The following FRMPD3 variants were observed in gnomAD, a reference collection of about 807,000 sequenced individuals.
The protein encoded by FRMPD3 is FERM and PDZ domain-containing protein 3.
Under a neutral mutation model 97.9 loss-of-function variants are expected in FRMPD3, and 42 were observed. The ratio of observed to expected loss-of-function variants is 0.43; its 90% CI spans 0.34 to 0.55. The LOEUF (loss-of-function observed/expected upper bound fraction) is 0.55. Ranked by LOEUF, FRMPD3 falls within the 20% of genes least tolerant of loss-of-function variation. The probability of loss-of-function intolerance (pLI) is 0.03; values close to 1 mark genes in which losing one functional copy is unlikely to be tolerated. For synonymous variants in FRMPD3, 577 were observed against 581.1 expected (o/e 0.99, Z 0.10); for missense variants, 1,303 against 1,457.7 (o/e 0.89, Z 1.73).
At chrX:107,462,091 C>A (rs1419686700) in intron 1 of FRMPD3, among the ~76,000 whole-genome samples, 3 of 110,897 alleles carry the variant, frequency 2.7e-5, no homozygotes, top group Non-Finnish European at 1.9e-5. Flanking sequence ...TGGCTGCCCC[C>A]GTTTTTAAAA....
chrX:107,474,418 A>G (rs1186687686), intron 1 of FRMPD3, among the ~76,000 whole-genome samples: 1 of 111,525 alleles, frequency 9.0e-6, no homozygotes, highest in Non-Finnish European at 1.9e-5. Context: ...AAGAAAAAGC[A>G]CAGGGATCAA....
intron 12 of FRMPD3, among the ~76,000 whole-genome samples, chrX:107,568,217 A>ATTTAT (rs1288696743): frequency 1.8e-5 from 2 of 110,215 alleles, no homozygotes; most frequent in South Asian, 4.0e-4. Context: ...TAAACACAGA[A>ATTTAT]TTTATTTTAT....
intron 4 of FRMPD3, among the ~76,000 whole-genome samples, chrX:107,540,582 G>T (rs768416340): frequency 4.9e-4 from 55 of 112,077 alleles, no homozygotes; most frequent in African/African-American, 1.7e-3. Context: ...CTTCATATTT[G>T]CTTCAAGCAG....
At chrX:107,596,199 A>G (rs980181689) in intron 13 of FRMPD3, among the ~76,000 whole-genome samples, 5 of 111,729 alleles carry the variant, frequency 4.5e-5, no homozygotes, top group African/African-American at 1.6e-4. Flanking sequence ...CTTGACCACC[A>G]TGATGAGTTA....
intron 3 of FRMPD3, 79 bp downstream of exon 3, chrX:107,530,590 C>T: frequency 2.8e-6 from 2 of 704,033 alleles, no homozygotes; most frequent in Non-Finnish European, 2.2e-6. Flanking sequence ...CCACTATCCC[C>T]CCCTCGCTCT....
At chrX:107,534,869 T>C (rs779731749) in intron 4 of FRMPD3, among the ~76,000 whole-genome samples, 1 of 112,525 alleles carries the variant, frequency 8.9e-6, no homozygotes, top group African/African-American at 3.2e-5. Flanking sequence ...CTCTCACATA[T>C]GTACACACAA....
Position 107,602,167 on chromosome X carries a change from T to G in FRMPD3, c.4128T>G (p.Cys1376Trp), listed in dbSNP as rs1422758566. Reference protein sequence around the residue: ...PESGVSCLTTCASGGECLGAP... With the variant: ...PESGVSCLTTWASGGECLGAP... ...GTGGTGTTTCGTGCCTGACCACGTG[T>G]GCCTCGGGGGGCGAGTGTCTGGGAG... is the stretch of plus-strand genomic sequence containing the variant. Residue 1376 changes from cysteine to tryptophan, a missense_variant, in exon 15 of 15, where the codon TGT becomes TGG. By Grantham distance (215) the Cys-to-Trp change is radical. Around this residue, in one of 3 missense-constraint regions of FRMPD3, gnomAD observed 764 missense variants for 820.2 expected, o/e 0.93. Transcript: ENST00000683843. 2 of 1,211,020 alleles carry G rather than the reference T, an allele frequency of 1.7e-6. No homozygotes were observed. Among genetic ancestry groups the G allele is most frequent in the South Asian group, 3.5e-5 (2 of 56,967 alleles).
At chrX:107,546,392 T>C (rs908531945) in intron 5 of FRMPD3, among the ~76,000 whole-genome samples, 1 of 112,164 alleles carries the variant, frequency 8.9e-6, no homozygotes, top group Non-Finnish European at 1.9e-5. Flanking sequence ...ACCTGTTCCC[T>C]GCTACCAGAT....
Position 107,597,378 on chromosome X carries a change from G to A in FRMPD3, c.1499G>A (p.Ser500Asn), listed in dbSNP as rs371411843. Residue 500 changes from serine to asparagine, a missense_variant, in exon 14 of 15, where the codon AGT becomes AAT. This residue lies in a region of FRMPD3 where 535 missense variants were observed against 618.6 expected (regional missense o/e 0.86). Coordinates refer to ENST00000683843, the MANE Select transcript of FRMPD3 (RefSeq NM_001388459.1). Reference sequence around the variant, plus strand: ...GGGGGCCACCTGGGGAAAAAGGAGAGTAGTTATGTGGGCAGCGTGGGCACC... The same window carrying A: ...GGGGGCCACCTGGGGAAAAAGGAGAATAGTTATGTGGGCAGCGTGGGCACC... ...VTGGHLGKKE[S>N]SYVGSVGTSP... 392 of 1,208,727 alleles carry A rather than the reference G, an allele frequency of 3.2e-4. No individual in the cohort carries two copies. The highest frequency in any genetic ancestry group is 3.1e-3 in the Middle Eastern group (13 of 4,252).
chrX:107,601,452 G>T lies in FRMPD3; in HGVS notation c.3413G>T (p.Cys1138Phe). 2 of 1,174,038 alleles carry T rather than the reference G, an allele frequency of 1.7e-6. No individual in the cohort carries two copies. Among genetic ancestry groups the T allele is most frequent in the African/African-American group, 1.8e-5 (1 of 56,544 alleles). ...CCCATGGCTCTGCAGAGCCCCAGCTGCCAGTCAAGAAGCCACAGCCCCAGC... is the reference window on the plus strand; with the variant it reads ...CCCATGGCTCTGCAGAGCCCCAGCTTCCAGTCAAGAAGCCACAGCCCCAGC... ...TYPMALQSPS[C>F]QSRSHSPSCQ... The change falls in exon 15 of 15, where the codon TGC (cysteine) becomes TTC (phenylalanine). Residue 1138 changes from cysteine to phenylalanine, a missense_variant. Cys to Phe is a radical substitution (Grantham distance 205). This residue lies in a region of FRMPD3 where 764 missense variants were observed against 820.2 expected (regional missense o/e 0.93). Coordinates refer to ENST00000683843, the MANE Select transcript of FRMPD3 (RefSeq NM_001388459.1).
intron 1 of FRMPD3, among the ~76,000 whole-genome samples, chrX:107,487,215 C>T (rs1230133900): frequency 9.0e-6 from 1 of 111,171 alleles, no homozygotes; most frequent in Non-Finnish European, 1.9e-5. Flanking sequence ...GATCGCACCG[C>T]TGCACTCCAG....
chrX:107,480,370 A>C (rs1159284392), intron 1 of FRMPD3, among the ~76,000 whole-genome samples: 1 of 111,782 alleles, frequency 8.9e-6, no homozygotes, highest in East Asian at 2.8e-4. Flanking sequence ...GGGATGAGTG[A>C]AAGTTGTTAC....
chrX:107,595,044 C>T (rs975946895), intron 13 of FRMPD3, among the ~76,000 whole-genome samples: 4 of 110,671 alleles, frequency 3.6e-5, no homozygotes, highest in Non-Finnish European at 3.8e-5. Context: ...TGGCTGGGCA[C>T]GGTTGCTCAT....
intron 13 of FRMPD3, among the ~76,000 whole-genome samples, chrX:107,580,610 C>T (rs1416429119): frequency 1.8e-5 from 2 of 111,529 alleles, no homozygotes; most frequent in Non-Finnish European, 3.8e-5. Context: ...ATCCTGATTG[C>T]TCAGCTGTCT....
At chrX:107,493,417 G>A (rs746399058) in intron 1 of FRMPD3, among the ~76,000 whole-genome samples, 2 of 111,240 alleles carry the variant, frequency 1.8e-5, no homozygotes, top group South Asian at 7.7e-4. Flanking sequence ...TAACCTGTTT[G>A]TTTCTTAAAC....
chrX:107,466,054 G>A (rs1308492566), intron 1 of FRMPD3, among the ~76,000 whole-genome samples: 7 of 112,100 alleles, frequency 6.2e-5, no homozygotes, highest in Non-Finnish European at 9.4e-5. Context: ...ACTATAGGTC[G>A]CCATCTCCTT....
At chrX:107,501,844 C>G (rs1248341198) in intron 1 of FRMPD3, among the ~76,000 whole-genome samples, 1 of 109,144 alleles carries the variant, frequency 9.2e-6, no homozygotes. Flanking sequence ...TGCAAAAAAG[C>G]CTTCTCACCT....
At chrX:107,547,615 C>T (rs1410168932) in intron 5 of FRMPD3, among the ~76,000 whole-genome samples, 1 of 111,468 alleles carries the variant, frequency 9.0e-6, no homozygotes, top group African/African-American at 3.3e-5. Flanking sequence ...TTCCAACTCT[C>T]ACTGCACTCG....
intron 4 of FRMPD3, among the ~76,000 whole-genome samples, chrX:107,543,582 G>C (rs1375798349): frequency 9.0e-6 from 1 of 110,719 alleles, no homozygotes; most frequent in Non-Finnish European, 1.9e-5. Flanking sequence ...TTGGGAGGCC[G>C]AAGTGGGTGG....
Sources: gnomAD v4.1 joint callset for allele counts (sites outside exome capture counted in the v4.1 genomes callset) on GRCh38, gnomAD v4.1.1 for gene constraint, gnomAD v4.1.1 regional missense constraint, MANE v1.5 for transcripts, NCBI Gene and HGNC (gene_info 2026-07-23, HGNC 2026-07-21) for gene names.